SLC5A1: variants seen among roughly 807,000 people sequenced by gnomAD.
SLC5A1 encodes the protein sodium/glucose cotransporter 1.
SLC5A1 carries 42 observed loss-of-function variants against 73.5 expected under a neutral mutation model. The ratio of observed to expected loss-of-function variants is 0.57; its 90% confidence interval spans 0.45 to 0.74. The LOEUF (loss-of-function observed/expected upper bound fraction) is 0.74, where lower values mean the gene tolerates loss of function less well. Ranked by LOEUF, SLC5A1 falls within the 30% of genes least tolerant of loss-of-function variation. The pLI is 0.00. For synonymous variants in SLC5A1, 300 were observed against 317.4 expected, an observed-to-expected ratio of 0.95 and a Z score of 0.58; for missense variants, 634 against 855.4, an observed-to-expected ratio of 0.74 and a Z score of 3.23.
intron 11 of SLC5A1, among the ~76,000 whole-genome samples, chr22:32,095,751 TTAGG>T (rs1252995030): frequency 6.6e-6 from 1 of 152,322 alleles, no homozygotes; most frequent in East Asian, 1.9e-4. Flanking sequence ...TCCTTATGTG[TTAGG>T]TGAGTTTCTT....
chr22:32,068,091 G>T lies in SLC5A1; in HGVS notation c.372+65G>T. The T allele has an allele frequency of 2.7e-6, 4 of 1,458,346 alleles. No individual in the cohort carries two copies. The South Asian group carries it at 3.4e-5, about 12-fold the overall frequency. The allele number at this position is 1,458,346 out of a possible 1,614,324, so 90.3% of individuals were successfully genotyped here. ...TGTATCTGTCAGCTTGGTCTTCCTAGAGGGCAGAGGAGACATTATGGGATA... is the reference window on the plus strand; with the variant it reads ...TGTATCTGTCAGCTTGGTCTTCCTATAGGGCAGAGGAGACATTATGGGATA... On this transcript the variant is annotated intron_variant, in intron 4 of 14. Transcript: ENST00000266088.
At chr22:32,083,030 A>C in intron 6 of SLC5A1, 44 bp from the exon 7 acceptor site, 1 of 1,564,686 alleles carries the variant, frequency 6.4e-7, no homozygotes, top group Non-Finnish European at 8.8e-7. Context: ...TAGACAGGTC[A>C]CCCTCCACAC....
chr22:32,043,649 A>G lies in SLC5A1; in HGVS notation c.135+233A>G, dbSNP rs2093933247. Among the ~76,000 whole-genome samples, 1 of 152,136 alleles carries G rather than the reference A, an allele frequency of 6.6e-6. No homozygotes were observed. Among genetic ancestry groups the G allele is most frequent in the African/African-American group, 2.4e-5 (1 of 41,430 alleles). On this transcript the variant is annotated intron_variant, in intron 1 of 14. Coordinates refer to ENST00000266088, the MANE Select transcript of SLC5A1 (RefSeq NM_000343.4). This position sits in a 1 kb window ranked among gnomAD's most constrained non-coding sequence, Gnocchi z 6.5. ...CCTGCCAGGAAGGACCAAGGAGGAT[A>G]CCTGAGCCTGTGAGCAGAGAAGGAA...
chr22:32,049,154 T>TATATAATCATTATA (rs1569298691), intron 1 of SLC5A1, among the ~76,000 whole-genome samples: 93 of 130,230 alleles, frequency 7.1e-4, no homozygotes, highest in African/African-American at 2.4e-3. Context: ...ATAATCTATA[T>TATATAATCATTATA]TATATATAAT....
In SLC5A1 at chr22:32,083,124, C is replaced by G; in HGVS notation, c.634C>G (p.Leu212Val). The change falls in exon 7 of 15, where the codon CTG (leucine) becomes GTG (valine). Residue 212 changes from leucine to valine, a missense_variant. Leu to Val is a conservative substitution (Grantham distance 32). Around this residue, in one of 3 missense-constraint regions of SLC5A1, gnomAD observed 422 missense variants for 626.1 expected, o/e 0.67. Transcript: ENST00000266088. The stretch of plus-strand genomic sequence containing the variant: ...GGACACCTTGCAGACGGTGATCATG[C>G]TGGTGGGGTCTTTAATCCTGACTGG... ...YTDTLQTVIM[L>V]VGSLILTGFA... 2.5e-6 allele frequency: 4 copies of G among 1,614,162 alleles called. No homozygotes were observed. Among genetic ancestry groups the G allele is most frequent in the Non-Finnish European group, 3.4e-6 (4 of 1,180,010 alleles).
intron 8 of SLC5A1, 30 bp downstream of exon 8, chr22:32,084,689 G>C (rs1392974260): frequency 6.3e-7 from 1 of 1,595,092 alleles, no homozygotes; most frequent in African/African-American, 1.3e-5. Context: ...GGGATGGACA[G>C]AGTCTTCTCC....
At chr22:32,089,092 A>T (rs1463868220) in intron 10 of SLC5A1, among the ~76,000 whole-genome samples, 4 of 152,244 alleles carry the variant, frequency 2.6e-5, no homozygotes, top group African/African-American at 4.8e-5. Flanking sequence ...GGAAAGTTCT[A>T]TCCCAGCTTA....
intron 5 of SLC5A1, among the ~76,000 whole-genome samples, chr22:32,077,346 T>C (rs569848820): frequency 6.7e-6 from 1 of 149,426 alleles, no homozygotes; most frequent in South Asian, 2.2e-4. Context: ...CTTTTTTCAC[T>C]TTCTTCCTTT....
At chr22:32,066,860 T>G (rs2093974203) in intron 2 of SLC5A1, 75 bp from the exon 3 acceptor site, 1 of 1,003,168 alleles carries the variant, frequency 1.0e-6, no homozygotes, top group Non-Finnish European at 1.6e-6. Flanking sequence ...CTGACATGTC[T>G]CCTCTCTCTT....
chr22:32,048,386 G>A (rs1001023213), intron 1 of SLC5A1, among the ~76,000 whole-genome samples: 4 of 152,196 alleles, frequency 2.6e-5, no homozygotes, highest in African/African-American at 7.2e-5. Context: ...GGATCTGTGG[G>A]AGGAGCTGGT....
chr22:32,066,863 T>C (rs2093974207), intron 2 of SLC5A1, 72 bp from the exon 3 acceptor site: 4 of 1,048,076 alleles, frequency 3.8e-6, no homozygotes, highest in Non-Finnish European at 6.0e-6. Context: ...ACATGTCTCC[T>C]CTCTCTTTGA....
intron 5 of SLC5A1, among the ~76,000 whole-genome samples, chr22:32,081,353 G>T (rs568769796): frequency 1.3e-5 from 2 of 152,178 alleles, no homozygotes; most frequent in South Asian, 4.1e-4. Flanking sequence ...GACTGCATCC[G>T]GGTTGGGGAG....
intron 2 of SLC5A1, among the ~76,000 whole-genome samples, chr22:32,063,886 T>C (rs982304731): frequency 1.3e-5 from 2 of 152,162 alleles, no homozygotes; most frequent in East Asian, 1.9e-4. Context: ...GTTCCCCTAA[T>C]AGAAATGAAT....
chr22:32,043,888 G>A lies in SLC5A1; in HGVS notation c.135+472G>A, dbSNP rs1194391226. Among the ~76,000 whole-genome samples the A allele has an allele frequency of 6.6e-6, 1 of 152,228 alleles. No homozygotes were observed. Among genetic ancestry groups the A allele is most frequent in the Admixed American group, 6.5e-5 (1 of 15,288 alleles). On this transcript the variant is annotated intron_variant, in intron 1 of 14. Coordinates refer to ENST00000266088, the MANE Select transcript of SLC5A1 (RefSeq NM_000343.4). The surrounding 1 kb of genome is among the most constrained non-coding windows in gnomAD (Gnocchi z 6.5). ...CAGAGATGGGGATGCTGAGGTGGCAGACAGAGGGATGCTGACCCATGCCCC... is the reference window on the plus strand; with the variant it reads ...CAGAGATGGGGATGCTGAGGTGGCAAACAGAGGGATGCTGACCCATGCCCC...
intron 10 of SLC5A1, among the ~76,000 whole-genome samples, chr22:32,090,686 G>T (rs2094015771): frequency 6.8e-6 from 1 of 147,166 alleles, no homozygotes; most frequent in African/African-American, 2.5e-5. Flanking sequence ...AGAGAGAAAT[G>T]AAATTCCACC....
At chr22:32,065,334 CAG>C (rs1446478027) in intron 2 of SLC5A1, among the ~76,000 whole-genome samples, 1 of 152,122 alleles carries the variant, frequency 6.6e-6, no homozygotes, top group African/African-American at 2.4e-5. Flanking sequence ...ATACCTGTGT[CAG>C]GGGGTCTTTG....
chr22:32,103,427 G>GAAACAT (rs1209641550), intron 13 of SLC5A1, among the ~76,000 whole-genome samples: 1 of 152,196 alleles, frequency 6.6e-6, no homozygotes, highest in Non-Finnish European at 1.5e-5. Context: ...TACATGCCAG[G>GAAACAT]AAACATGGTG....
rs76021659 is a variant in SLC5A1 at position 32,065,007 on chromosome 22, G to A, written c.208-1928G>A. On this transcript the variant is annotated intron_variant, in intron 2 of 14. Coordinates refer to ENST00000266088, the MANE Select transcript of SLC5A1 (RefSeq NM_000343.4). ...CACTTCAGCTGGAGTGCAGTGGCAC[G>A]ATCATAGTTCATTGAAGCCTGCAGG... 4.0e-3 allele frequency among the ~76,000 whole-genome samples: 602 copies of A among 152,204 alleles called. 3 individuals are homozygous for A. Among genetic ancestry groups the A allele is most frequent in the African/African-American group, 0.014 (582 of 41,520 alleles).
intron 14 of SLC5A1, among the ~76,000 whole-genome samples, chr22:32,107,564 T>C (rs1013899582): frequency 2.0e-5 from 3 of 152,224 alleles, no homozygotes; most frequent in African/African-American, 7.2e-5. Flanking sequence ...GCTGTAAGAA[T>C]TGTCTATATT....
Sources: gnomAD v4.1 joint callset for allele counts (sites outside exome capture counted in the v4.1 genomes callset) on GRCh38, gnomAD v4.1.1 for gene constraint, gnomAD v4.1.1 regional missense constraint, Gnocchi (gnomAD v3.1) non-coding constraint, MANE v1.5 for transcripts, NCBI Gene and HGNC (gene_info 2026-07-23, HGNC 2026-07-21) for gene names.